ITGA8: variants seen among roughly 807,000 people sequenced by gnomAD.
ITGA8 encodes integrin alpha-8.
Under a neutral mutation model 142.3 loss-of-function variants are expected in ITGA8, and 91 were observed. The observed-to-expected ratio is 0.64, with a 90% CI of 0.54 to 0.76. The LOEUF (loss-of-function observed/expected upper bound fraction) is 0.76, where lower values mean the gene tolerates loss of function less well. Ranked by LOEUF, ITGA8 falls within the 30% of genes least tolerant of loss-of-function variation. The probability of loss-of-function intolerance (pLI) is 0.00; values close to 1 mark genes in which losing one functional copy is unlikely to be tolerated. For synonymous variants in ITGA8, 505 were observed against 485.2 expected (o/e 1.04, Z -0.54); for missense variants, 1,406 against 1,327.7 (o/e 1.06, Z -0.92).
chr10:15,710,156 A>G (rs913173145), intron 2 of ITGA8, among the ~76,000 whole-genome samples: 2 of 152,220 alleles, frequency 1.3e-5, no homozygotes, highest in African/African-American at 4.8e-5. Context: ...ATGAGAAAAA[A>G]ACAGTTTTAA....
intron 2 of ITGA8, among the ~76,000 whole-genome samples, chr10:15,716,640 A>C (rs1028701646): frequency 2.0e-5 from 3 of 151,748 alleles, no homozygotes; most frequent in African/African-American, 7.3e-5. Flanking sequence ...CAATTGCTTT[A>C]GAATGAACTT....
intron 28 of ITGA8, among the ~76,000 whole-genome samples, chr10:15,520,874 C>T (rs1305542150): frequency 6.6e-6 from 1 of 152,192 alleles, no homozygotes; most frequent in East Asian, 1.9e-4. Context: ...ATAACCCACC[C>T]GTCAGGAGAG....
intron 7 of ITGA8, 94 bp from the exon 8 acceptor site, chr10:15,671,741 G>C (rs879511340): frequency 1.1e-6 from 1 of 883,356 alleles, no homozygotes; most frequent in Non-Finnish European, 1.8e-6. Flanking sequence ...CCATGGTACT[G>C]CTTTATTTAG....
At chr10:15,627,657 G>C (rs1005467387) in intron 13 of ITGA8, among the ~76,000 whole-genome samples, 2 of 152,222 alleles carry the variant, frequency 1.3e-5, no homozygotes, top group Non-Finnish European at 1.5e-5. Context: ...GTTTGAGACA[G>C]AGATTCCCCA....
intron 2 of ITGA8, among the ~76,000 whole-genome samples, chr10:15,704,807 A>G (rs1489249710): frequency 6.6e-6 from 1 of 152,186 alleles, no homozygotes; most frequent in African/African-American, 2.4e-5. Context: ...GTGCTTTTAA[A>G]TACAGGATAG....
chr10:15,551,706 A>T (rs1379963512), intron 26 of ITGA8, among the ~76,000 whole-genome samples: 1 of 152,220 alleles, frequency 6.6e-6, no homozygotes. Context: ...CCTCATCAGA[A>T]ATGGGATTCA....
intron 8 of ITGA8, among the ~76,000 whole-genome samples, chr10:15,668,037 A>C (rs1255188007): frequency 6.8e-6 from 1 of 146,810 alleles, no homozygotes; most frequent in African/African-American, 2.5e-5. Context: ...TATTAGGTCC[A>C]CTTGGTGCAG....
intron 27 of ITGA8, among the ~76,000 whole-genome samples, chr10:15,533,500 T>C (rs1199665007): frequency 2.0e-5 from 3 of 152,220 alleles, no homozygotes; most frequent in African/African-American, 4.8e-5. Context: ...TCCTCACTGA[T>C]AGAAACAAGA....
chr10:15,538,180 A>C (rs1445520211), intron 27 of ITGA8, among the ~76,000 whole-genome samples: 1 of 152,156 alleles, frequency 6.6e-6, no homozygotes, highest in Non-Finnish European at 1.5e-5. Context: ...AAATCAACTA[A>C]ATGCAAGTGG....
intron 25 of ITGA8, among the ~76,000 whole-genome samples, chr10:15,561,235 G>GTATA (rs796194795): frequency 9.5e-4 from 97 of 101,572 alleles, no homozygotes; most frequent in South Asian, 2.8e-3. Flanking sequence ...ATATATATAT[G>GTATA]TATATATATA....
intron 26 of ITGA8, among the ~76,000 whole-genome samples, chr10:15,553,113 C>T (rs954477630): frequency 3.9e-5 from 6 of 151,952 alleles, no homozygotes; most frequent in African/African-American, 7.3e-5. Context: ...AAAAATTAGC[C>T]GGGCATGGTG....
intron 7 of ITGA8, among the ~76,000 whole-genome samples, 199 bp downstream of exon 7, chr10:15,672,425 C>T (rs929211576): frequency 3.9e-5 from 6 of 152,162 alleles, no homozygotes; most frequent in Non-Finnish European, 4.4e-5. Context: ...AACAAAATAG[C>T]TGCTCACATT....
intron 2 of ITGA8, among the ~76,000 whole-genome samples, chr10:15,718,540 A>T (rs749878150): frequency 5.3e-5 from 8 of 152,140 alleles, no homozygotes; most frequent in Non-Finnish European, 1.2e-4. Context: ...GCATCCGAAC[A>T]CTCAGGGTCA....
At position 15,608,280 on chromosome 10, in the gene ITGA8, T is replaced by C; in HGVS notation, c.1564A>G (p.Arg522Gly). ...SMTSAACFSL[R>G]VCASVTGQSI... ...TGGCCTGTGACAGATGCACATACTC[T>C]TAAAGAAAAGCTATAGAAAATAGTA... The change falls in exon 16 of 30, where the codon AGA (arginine) becomes GGA (glycine). Residue 522 changes from arginine to glycine, a missense_variant. Physicochemically the swap from Arg to Gly is moderately radical, Grantham distance 125 (BLOSUM62 -2). Transcript: ENST00000378076. 1 of 1,590,406 alleles carries C rather than the reference T, an allele frequency of 6.3e-7. No homozygotes were observed. Among genetic ancestry groups the C allele is most frequent in the Non-Finnish European group, 8.5e-7 (1 of 1,169,810 alleles).
At position 15,605,738 on chromosome 10, in the gene ITGA8, C is replaced by T. The variant is rs1391524701; in HGVS notation, c.1956G>A (p.Lys652=). The change falls in exon 19 of 30, where the codon AAG becomes AAA. Residue 652 remains lysine (K), a synonymous_variant. Transcript: ENST00000378076. ...TTTAAACTTACGGTCTAGCCGACAG[C>T]TTCAAGTCAGGAACACACAGATTGT... is the stretch of plus-strand genomic sequence containing the variant. ...GEDNLCVPDL[K]LSARPDKHQV... The T allele has an allele frequency of 6.2e-7, 1 of 1,613,368 alleles. No individual in the cohort carries two copies. The highest frequency in any genetic ancestry group is 1.7e-5 in the Admixed American group (1 of 59,996).
chr10:15,707,985 C>CACACAA (rs1835291964), intron 2 of ITGA8, among the ~76,000 whole-genome samples: 1 of 151,692 alleles, frequency 6.6e-6, no homozygotes, highest in African/African-American at 2.4e-5. Flanking sequence ...CACACACACA[C>CACACAA]ACACACACAC....
chr10:15,558,136 G>T lies in ITGA8; in HGVS notation c.2704C>A (p.Leu902Ile). ...ACATGTACATCCCTCTTCCTGACAA[G>T]ATGAGGAATAGTAGAGTTTCGCAAA... ...AFLRNSTIPH[L>I]VRKRDVHVVE... Residue 902 changes from leucine to isoleucine, a missense_variant, in exon 26 of 30, where the codon CTT becomes ATT. Physicochemically the swap from Leu to Ile is conservative, Grantham distance 5 (BLOSUM62 2). Coordinates refer to ENST00000378076, the MANE Select transcript of ITGA8 (RefSeq NM_003638.3). 1 of 1,614,226 alleles carries T rather than the reference G, an allele frequency of 6.2e-7. No individual in the cohort carries two copies. The highest frequency in any genetic ancestry group is 8.5e-7 in the Non-Finnish European group (1 of 1,180,038).
At chr10:15,548,888 T>C (rs1833731567) in intron 26 of ITGA8, among the ~76,000 whole-genome samples, 1 of 152,204 alleles carries the variant, frequency 6.6e-6, no homozygotes, top group Non-Finnish European at 1.5e-5. Context: ...CAATACCCAG[T>C]GCTGGGTTCA....
chr10:15,712,898 C>T (rs1321566077), intron 2 of ITGA8, among the ~76,000 whole-genome samples: 6 of 152,214 alleles, frequency 3.9e-5, no homozygotes, highest in African/African-American at 1.4e-4. Context: ...AATATTCCTG[C>T]CAAGAACCTT....
Sources: allele counts gnomAD v4.1 joint callset (sites outside exome capture counted in the v4.1 genomes callset), GRCh38; gene constraint gnomAD v4.1.1; transcripts MANE v1.5; gene names NCBI Gene and HGNC (gene_info 2026-07-23, HGNC 2026-07-21).